UBE3C: variants seen among roughly 807,000 people sequenced by gnomAD.
The protein encoded by UBE3C is ubiquitin-protein ligase E3C.
A neutral mutation model predicts 129.4 loss-of-function variants in UBE3C; 42 were observed. The observed-to-expected ratio is 0.32, with a 90% CI of 0.25 to 0.42. The LOEUF is 0.42. UBE3C is among the 10% of genes least tolerant of loss of function. UBE3C has a pLI of 1.00. For synonymous variants in UBE3C, 510 were observed against 492.4 expected (o/e 1.04, Z -0.47); for missense variants, 1,049 against 1,319.1 (o/e 0.80, Z 3.17).
At chr7:157,215,262 T>C (rs565845793) in intron 13 of UBE3C, among the ~76,000 whole-genome samples, 45 of 152,270 alleles carry the variant, frequency 3.0e-4, no homozygotes, top group African/African-American at 9.9e-4. Flanking sequence ...GCCTGAGATA[T>C]CAACCCAAGT....
At chr7:157,224,990 A>AT (rs1345953045) in intron 16 of UBE3C, among the ~76,000 whole-genome samples, 3 of 152,256 alleles carry the variant, frequency 2.0e-5, no homozygotes, top group East Asian at 3.8e-4. Flanking sequence ...AAATGAAAAT[A>AT]TTCTATCGCA....
intron 17 of UBE3C, among the ~76,000 whole-genome samples, 169 bp from the exon 18 acceptor site, chr7:157,230,911 C>G (rs1796006515): frequency 6.6e-6 from 1 of 152,026 alleles, no homozygotes; most frequent in Admixed American, 6.6e-5. Flanking sequence ...GGTGACGGAG[C>G]AAGACTCTGT....
chr7:157,157,985 T>TAG (rs1284658404), intron 1 of UBE3C, among the ~76,000 whole-genome samples: 4,569 of 134,610 alleles, frequency 0.034, 95 homozygotes, highest in Non-Finnish European at 0.048. Flanking sequence ...TATATATATA[T>TAG]ATAGAGAGAG....
chr7:157,151,133 C>G (rs892511790), intron 1 of UBE3C, among the ~76,000 whole-genome samples: 1 of 152,176 alleles, frequency 6.6e-6, no homozygotes, highest in Admixed American at 6.5e-5. Context: ...GGCTCCACCC[C>G]CTAAAGGGCA....
intron 22 of UBE3C, among the ~76,000 whole-genome samples, chr7:157,266,954 CTGGTCT>C (rs1335844637): frequency 6.6e-6 from 1 of 152,130 alleles, no homozygotes; most frequent in East Asian, 1.9e-4. Context: ...GTTGCCCAGG[CTGGTCT>C]CGAACTCCTA....
At chr7:157,236,201 T>G (rs1049962535) in intron 18 of UBE3C, among the ~76,000 whole-genome samples, 1 of 152,168 alleles carries the variant, frequency 6.6e-6, no homozygotes, top group Admixed American at 6.6e-5. Context: ...AGACAGGGAA[T>G]AAATAAACAG....
At chr7:157,166,569 C>CA (rs1196836405) in intron 2 of UBE3C, among the ~76,000 whole-genome samples, 1 of 151,940 alleles carries the variant, frequency 6.6e-6, no homozygotes, top group Non-Finnish European at 1.5e-5. Flanking sequence ...GAAGAAACCC[C>CA]ATCTCTACTA....
intron 21 of UBE3C, among the ~76,000 whole-genome samples, chr7:157,255,074 C>T (rs887644088): frequency 1.9e-4 from 29 of 152,166 alleles, no homozygotes; most frequent in Admixed American, 5.9e-4. Flanking sequence ...GAGCCGAGAT[C>T]ATGCCACTGC....
At chr7:157,191,531 T>TCA (rs1808966939) in intron 10 of UBE3C, among the ~76,000 whole-genome samples, 1 of 152,172 alleles carries the variant, frequency 6.6e-6, no homozygotes. Context: ...GCCCAAGTAA[T>TCA]CTGCTTGTCT....
intron 18 of UBE3C, among the ~76,000 whole-genome samples, chr7:157,234,655 C>G (rs1401285457): frequency 5.3e-5 from 8 of 152,172 alleles, no homozygotes; most frequent in Admixed American, 3.9e-4. Context: ...TTTAAGTGCT[C>G]TTCAGGTTTG....
intron 5 of UBE3C, among the ~76,000 whole-genome samples, chr7:157,177,020 A>T (rs146971871): frequency 3.3e-3 from 502 of 152,318 alleles, no homozygotes; most frequent in Non-Finnish European, 3.6e-3. Flanking sequence ...AATCACATAC[A>T]TATTTTTTAA....
intron 20 of UBE3C, 46 bp downstream of exon 20, chr7:157,254,188 G>A: frequency 1.2e-6 from 2 of 1,608,090 alleles, no homozygotes; most frequent in Non-Finnish European, 1.7e-6. Flanking sequence ...CACAGGAAAT[G>A]AACAGGCTTT....
chr7:157,177,916 T>G (rs1006773761), intron 5 of UBE3C, among the ~76,000 whole-genome samples: 4 of 149,730 alleles, frequency 2.7e-5, no homozygotes, highest in Non-Finnish European at 4.4e-5. Flanking sequence ...TGATGTGTGG[T>G]CAGATGGATT....
intron 4 of UBE3C, among the ~76,000 whole-genome samples, chr7:157,171,686 ATTTTTTTTTTTTTTTTTTTT>A (rs77471740): frequency 0.044 from 1,650 of 37,196 alleles, 20 homozygotes; most frequent in Middle Eastern, 0.17. Context: ...ATATATATAT[ATTTTTTTTTTTTTTTTTTTT>A]TTTTTTTTTT....
intron 15 of UBE3C, chr7:157,222,184 TTTAG>T (rs549114392): frequency 1.4e-4 from 21 of 152,334 alleles, no homozygotes; most frequent in African/African-American, 5.1e-4. Flanking sequence ...GAACATGTTT[TTTAG>T]TTATTGAATT....
At chr7:157,152,975 TG>T (rs1264622579) in intron 1 of UBE3C, among the ~76,000 whole-genome samples, 2 of 152,066 alleles carry the variant, frequency 1.3e-5, no homozygotes, top group Non-Finnish European at 2.9e-5. Flanking sequence ...GGGGGTGGAT[TG>T]CCTGAGGTCA....
At chr7:157,154,574 G>A (rs1807851380) in intron 1 of UBE3C, among the ~76,000 whole-genome samples, 1 of 152,096 alleles carries the variant, frequency 6.6e-6, no homozygotes, top group Non-Finnish European at 1.5e-5. Context: ...CCATAGCATA[G>A]TTTGATACTT....
intron 5 of UBE3C, among the ~76,000 whole-genome samples, chr7:157,176,945 A>G (rs541557535): frequency 9.8e-5 from 15 of 152,370 alleles, no homozygotes; most frequent in Admixed American, 7.2e-4. Context: ...ACGTGCCAGA[A>G]CATTGAATTT....
intron 13 of UBE3C, among the ~76,000 whole-genome samples, chr7:157,208,510 A>C (rs1400777462): frequency 6.6e-6 from 1 of 152,218 alleles, no homozygotes; most frequent in Non-Finnish European, 1.5e-5. Context: ...TGTTACATGC[A>C]TCTTTTCTAT....
Sources: gnomAD v4.1 joint callset for allele counts (sites outside exome capture counted in the v4.1 genomes callset) on GRCh38, gnomAD v4.1.1 for gene constraint, MANE v1.5 for transcripts, NCBI Gene and HGNC (gene_info 2026-07-23, HGNC 2026-07-21) for gene names.